The following AGFG1 variants were observed in gnomAD, a reference collection of about 807,000 sequenced individuals.
AGFG1 encodes the protein ArfGAP with FG repeats 1.
AGFG1 carries 10 observed loss-of-function variants against 60.6 expected under a neutral mutation model. That is an observed-to-expected ratio of 0.16 (90% CI 0.10 to 0.28). The LOEUF (loss-of-function observed/expected upper bound fraction) is 0.28. Among genes scored for constraint, AGFG1 ranks in the 10% least tolerant of loss-of-function variants. The pLI, the probability that AGFG1 is intolerant of heterozygous loss-of-function variation, is 1.00. For missense variants in AGFG1, 537 were observed against 676.5 expected, an observed-to-expected ratio of 0.79 and a Z score of 2.29; for synonymous variants, 247 against 242.9, an observed-to-expected ratio of 1.02 and a Z score of -0.16.
chr2:227,554,470 G>T lies in AGFG1; in HGVS notation c.1664G>T (p.Ser555Ile), dbSNP rs780227783. ...GAPTGQFPTG[S>I]SSTNPFL ...CCAACAGGACAATTTCCAACAGGAA[G>T]CTCATCAACCAATCCTTTCTTATAG... Residue 555 changes from serine (S) to isoleucine (I), a missense_variant, in exon 13 of 13, where the codon AGC becomes ATC. Transcript: ENST00000310078. The T allele has an allele frequency of 1.2e-6, 2 of 1,613,586 alleles. No homozygotes were observed. Among genetic ancestry groups the T allele is most frequent in the Non-Finnish European group, 1.7e-6 (2 of 1,179,746 alleles).
chr2:227,554,334 C>CA, intron 12 of AGFG1, 102 bp from the exon 13 acceptor site: 1 of 969,962 alleles, frequency 1.0e-6, no homozygotes, highest in South Asian at 1.7e-5. Context: ...AATTCTTAAC[C>CA]AAAAAGTCTA....
At chr2:227,548,186 G>A (rs1037586432) in intron 10 of AGFG1, among the ~76,000 whole-genome samples, 3 of 95,486 alleles carry the variant, frequency 3.1e-5, no homozygotes. Context: ...TAGTAGTGGT[G>A]GGGCAGCATG....
At chr2:227,483,593 C>T (rs4257394) in intron 1 of AGFG1, among the ~76,000 whole-genome samples, 90,941 of 151,988 alleles carry the variant, frequency 0.6, 27,249 homozygotes, top group South Asian at 0.7. Flanking sequence ...TTCTAGATTG[C>T]CTTTTTTCAC....
intron 1 of AGFG1, among the ~76,000 whole-genome samples, chr2:227,485,198 T>C (rs949843123): frequency 6.6e-6 from 1 of 151,666 alleles, no homozygotes. Context: ...TCATTCCAGT[T>C]GCTTTTAAGA....
At chr2:227,499,056 TTTA>T (rs1691068232) in intron 2 of AGFG1, among the ~76,000 whole-genome samples, 1 of 152,216 alleles carries the variant, frequency 6.6e-6, no homozygotes, top group Non-Finnish European at 1.5e-5. Flanking sequence ...TGGCTGTCTT[TTTA>T]TTATTTTTAA....
chr2:227,539,807 C>T (rs529264823), intron 10 of AGFG1, among the ~76,000 whole-genome samples: 1 of 147,362 alleles, frequency 6.8e-6, no homozygotes, highest in African/African-American at 2.5e-5. Context: ...ATGTGAAATT[C>T]GGAAAGTTTT....
chr2:227,507,602 C>CAA (rs1162277041), intron 2 of AGFG1, among the ~76,000 whole-genome samples: 4,882 of 60,544 alleles, frequency 0.081, 655 homozygotes, highest in African/African-American at 0.12. Context: ...GACTCTGTCT[C>CAA]AAAAAAAAAA....
At chr2:227,514,549 T>A (rs937422232) in intron 2 of AGFG1, among the ~76,000 whole-genome samples, 4 of 152,190 alleles carry the variant, frequency 2.6e-5, no homozygotes, top group African/African-American at 9.7e-5. Flanking sequence ...CATATATTAA[T>A]TTACTTAACT....
rs569005041 is a variant in AGFG1 at position 227,533,937 on chromosome 2, A to G, written c.1024+179A>G. On this transcript the variant is annotated intron_variant, in intron 7 of 12. Transcript: ENST00000310078. ...ACATTTTAGACCTGAAATATCAACTACAAAACTGAAGACATAGGGACTGAT... is the reference window on the plus strand; with the variant it reads ...ACATTTTAGACCTGAAATATCAACTGCAAAACTGAAGACATAGGGACTGAT... Among the ~76,000 whole-genome samples, 8 of 152,334 alleles carry G rather than the reference A, an allele frequency of 5.3e-5. No individual in the cohort carries two copies. In the East Asian group the frequency reaches 1.3e-3, roughly 26 times the overall value.
At position 227,472,559 on chromosome 2, in the gene AGFG1, C is replaced by G. The variant is rs749499571; in HGVS notation, c.138C>G (p.Ser46=). 1.3e-6 allele frequency: 2 copies of G among 1,581,004 alleles called. No homozygotes were observed. The highest frequency in any genetic ancestry group is 2.2e-5 in the South Asian group (2 of 89,354). The change falls in exon 1 of 13, where the codon TCC becomes TCG. Residue 46 remains serine, a synonymous_variant. Coordinates refer to ENST00000310078, the MANE Select transcript of AGFG1 (RefSeq NM_004504.5). ...GPTYVNMTVG[S]FVCTSCSGSL... ...CCTACGTTAACATGACGGTCGGCTC[C>G]TTCGTGTGTACCTCCTGCTCCGGCA...
rs553874168 is a variant in AGFG1 at position 227,476,995 on chromosome 2, G to A, written c.167+4407G>A. Among the ~76,000 whole-genome samples the A allele has an allele frequency of 2.4e-3, 366 of 151,270 alleles. 1 individual carries two copies. The highest frequency in any genetic ancestry group is 4.0e-3 in the Non-Finnish European group (271 of 67,894). On this transcript the variant is annotated intron_variant, in intron 1 of 12. Coordinates refer to ENST00000310078, the MANE Select transcript of AGFG1 (RefSeq NM_004504.5). ...CGGCTCACTGCAACCTCTGTCTCCCGGGTTCAAGCCATTCTCCTGCCTCAG... is the reference window on the plus strand; with the variant it reads ...CGGCTCACTGCAACCTCTGTCTCCCAGGTTCAAGCCATTCTCCTGCCTCAG...
chr2:227,497,735 G>GGTTT lies in AGFG1; in HGVS notation c.261+6095_261+6096insGTTT, dbSNP rs1691023181. ...GCCAAATGAGTTTCTTTCTTGTTTT[G>GGTTT]TTTTTTTTTTTTTTTTTTTTTTTTT... On this transcript the variant is annotated intron_variant, in intron 2 of 12. Coordinates refer to ENST00000310078, the MANE Select transcript of AGFG1 (RefSeq NM_004504.5). Among the ~76,000 whole-genome samples, 15 of 28,028 alleles carry GGTTT rather than the reference G, an allele frequency of 5.4e-4. 1 individual carries two copies. Among genetic ancestry groups the GGTTT allele is most frequent in the Admixed American group, 5.0e-3 (12 of 2,390 alleles). The allele number at this position is 28,028 out of a possible 152,430, so 18.4% of individuals were successfully genotyped here.
chr2:227,541,230 T>A (rs754210245), intron 10 of AGFG1, among the ~76,000 whole-genome samples: 3 of 152,244 alleles, frequency 2.0e-5, no homozygotes, highest in Admixed American at 6.5e-5. Context: ...TGGCTTTTGT[T>A]GCCATTGCTT....
At chr2:227,488,400 T>C (rs1445612112) in intron 1 of AGFG1, among the ~76,000 whole-genome samples, 2 of 152,258 alleles carry the variant, frequency 1.3e-5, no homozygotes, top group Non-Finnish European at 2.9e-5. Context: ...GTTTGAGAAG[T>C]ATACGGGTAT....
chr2:227,506,558 TAAAAAAA>T (rs5839223), intron 2 of AGFG1, among the ~76,000 whole-genome samples: 3 of 106,302 alleles, frequency 2.8e-5, no homozygotes, highest in East Asian at 2.9e-4. Context: ...TGATGTTCCT[TAAAAAAA>T]AAAAAAAAAA....
Position 227,557,693 on chromosome 2 carries a change from G to A in AGFG1, c.*3198G>A, listed in dbSNP as rs761565813. 2 of 152,136 alleles carry A rather than the reference G, an allele frequency of 1.3e-5. No homozygotes were observed. The highest frequency in any genetic ancestry group is 2.9e-5 in the Non-Finnish European group (2 of 68,022). 9.4% of individuals were successfully genotyped at this position (152,136 alleles called of 1,614,324 possible). A position where few individuals can be genotyped will look rare whatever the true frequency, so the allele number is the denominator to read the frequency against. On this transcript the variant is annotated 3_prime_UTR_variant, in exon 13 of 13. Coordinates refer to ENST00000310078, the MANE Select transcript of AGFG1 (RefSeq NM_004504.5). The stretch of plus-strand genomic sequence containing the variant: ...TCCAAAACAAAAACTAATGAGAACA[G>A]GAACATTGTTTTACATTTTATGCAT...
intron 5 of AGFG1, among the ~76,000 whole-genome samples, chr2:227,525,936 A>G (rs1575098078): frequency 6.6e-6 from 1 of 152,208 alleles, no homozygotes; most frequent in Admixed American, 6.5e-5. Flanking sequence ...TAGCTGAAAT[A>G]CTATTTAAAA....
At chr2:227,483,457 A>C (rs1244680515) in intron 1 of AGFG1, among the ~76,000 whole-genome samples, 1 of 152,202 alleles carries the variant, frequency 6.6e-6, no homozygotes, top group East Asian at 1.9e-4. Context: ...AGAACATGCA[A>C]GTTTTCCATC....
At chr2:227,523,671 C>A in intron 3 of AGFG1, 92 bp from the exon 4 acceptor site, 1 of 1,240,734 alleles carries the variant, frequency 8.1e-7, no homozygotes, top group Non-Finnish European at 1.1e-6. Flanking sequence ...AATGGTGAAA[C>A]AATCTTGTAC....
Sources: allele counts gnomAD v4.1 joint callset (sites outside exome capture counted in the v4.1 genomes callset), GRCh38; gene constraint gnomAD v4.1.1; transcripts MANE v1.5; gene names NCBI Gene and HGNC (gene_info 2026-07-23, HGNC 2026-07-21).